GFRA1: variants seen among roughly 807,000 people sequenced by gnomAD.
The protein encoded by GFRA1 is GDNF family receptor alpha 1.
GFRA1 carries 16 observed loss-of-function variants against 51.6 expected under a neutral mutation model. That is an observed-to-expected ratio of 0.31 (90% confidence interval 0.21 to 0.47). GFRA1 has a LOEUF of 0.47. GFRA1 is among the 20% of genes least tolerant of loss of function. GFRA1 has a pLI of 1.00. For missense variants in GFRA1, 530 were observed against 594.3 expected, an observed-to-expected ratio of 0.89 and a Z score of 1.13; for synonymous variants, 270 against 241.3, an observed-to-expected ratio of 1.12 and a Z score of -1.10.
chr10:116,136,459 G>A (rs1407195490), intron 5 of GFRA1, among the ~76,000 whole-genome samples: 6 of 152,168 alleles, frequency 3.9e-5, no homozygotes, highest in African/African-American at 7.2e-5. Flanking sequence ...TGAGCCAGCC[G>A]AGTAACAAAG....
intron 9 of GFRA1, among the ~76,000 whole-genome samples, chr10:116,080,956 C>T (rs548559690): frequency 3.3e-5 from 5 of 152,246 alleles, no homozygotes; most frequent in African/African-American, 9.6e-5. Flanking sequence ...AGCAAGGGGG[C>T]GACATGCCCT....
intron 9 of GFRA1, among the ~76,000 whole-genome samples, chr10:116,079,104 T>A (rs1955740289): frequency 6.6e-6 from 1 of 151,754 alleles, no homozygotes; most frequent in South Asian, 2.1e-4. Flanking sequence ...CACCAGAAGG[T>A]GATGGTGTGA....
intron 4 of GFRA1, among the ~76,000 whole-genome samples, chr10:116,259,820 T>A (rs562482672): frequency 1.3e-4 from 20 of 152,194 alleles, no homozygotes; most frequent in Non-Finnish European, 2.5e-4. Context: ...TTAAGAAAGT[T>A]ACTCAACCTC....
chr10:116,065,751 T>C (rs1955076243), intron 9 of GFRA1, 125 bp from the exon 10 acceptor site: 9 of 714,854 alleles, frequency 1.3e-5, no homozygotes, highest in Admixed American at 2.1e-5. Context: ...GTGAGCTCCA[T>C]ATATAATTGA....
intron 9 of GFRA1, among the ~76,000 whole-genome samples, chr10:116,067,760 G>A (rs1049208238): frequency 2.0e-5 from 3 of 152,126 alleles, no homozygotes; most frequent in Admixed American, 6.5e-5. Flanking sequence ...CATTAGTCAC[G>A]GAGGGTTTCA....
chr10:116,165,293 T>A (rs1960262211), intron 5 of GFRA1, among the ~76,000 whole-genome samples: 1 of 152,090 alleles, frequency 6.6e-6, no homozygotes, highest in African/African-American at 2.4e-5. Context: ...TCAACTATCC[T>A]CCCCCTATTG....
intron 5 of GFRA1, among the ~76,000 whole-genome samples, chr10:116,150,347 T>A (rs569257978): frequency 6.6e-6 from 1 of 152,292 alleles, no homozygotes; most frequent in Non-Finnish European, 1.5e-5. Flanking sequence ...CTGGCCCTAC[T>A]TCATTTCCAT....
chr10:116,180,932 T>C (rs1277301287), intron 5 of GFRA1, among the ~76,000 whole-genome samples: 1 of 152,208 alleles, frequency 6.6e-6, no homozygotes, highest in Non-Finnish European at 1.5e-5. Context: ...TATGGATCCA[T>C]AATTTTAGCA....
At chr10:116,234,468 C>T (rs77714200) in intron 4 of GFRA1, among the ~76,000 whole-genome samples, 272 of 152,278 alleles carry the variant, frequency 1.8e-3, no homozygotes, top group African/African-American at 6.2e-3. Context: ...GCAAAAGAGA[C>T]CTCACTCAAA....
chr10:116,092,395 A>T (rs548378552), intron 8 of GFRA1, among the ~76,000 whole-genome samples: 2 of 152,192 alleles, frequency 1.3e-5, no homozygotes, highest in East Asian at 3.9e-4. Flanking sequence ...AACACACAAA[A>T]GCTTTTGTGT....
chr10:116,238,459 T>C (rs1405259687), intron 4 of GFRA1, among the ~76,000 whole-genome samples: 2 of 152,216 alleles, frequency 1.3e-5, no homozygotes, highest in South Asian at 4.1e-4. Flanking sequence ...GTCACATATA[T>C]TTACACATGC....
rs73363870 is a variant in GFRA1, at chr10:116,068,204, C to T, written c.1198-2578G>A. On this transcript the variant is annotated intron_variant, in intron 9 of 10. Coordinates refer to ENST00000355422, the MANE Select transcript of GFRA1 (RefSeq NM_005264.8). ...GGCACTCAGCACTCCAGAGGCTTAG[C>T]AGTCCACACACAGGACTCTAAAGAC... 3.0e-3 allele frequency among the ~76,000 whole-genome samples: 453 copies of T among 152,328 alleles called. 3 individuals carry two copies. Among genetic ancestry groups the T allele is most frequent in the African/African-American group, 0.01 (433 of 41,572 alleles).
intron 6 of GFRA1, among the ~76,000 whole-genome samples, chr10:116,100,331 T>C (rs1956768811): frequency 6.6e-6 from 1 of 152,188 alleles, no homozygotes. Flanking sequence ...ATTTTACAGA[T>C]GAGGAAACCG....
In GFRA1 at chr10:116,057,286, C is replaced by T. The variant is rs1333061308; in HGVS notation, c.*7112G>A. 1 of 152,178 alleles carries T rather than the reference C, an allele frequency of 6.6e-6. No individual in the cohort carries two copies. Among genetic ancestry groups the T allele is most frequent in the African/African-American group, 2.4e-5 (1 of 41,430 alleles). The allele number at this position is 152,178 out of a possible 1,614,324, so 9.4% of individuals were successfully genotyped here. A position where few individuals can be genotyped will look rare whatever the true frequency, so the allele number is the denominator to read the frequency against. ...TATAACATGGAGACCCGCCCGAAGC[C>T]TAACTGGAGGCTTCTCAACAAAGCT... On this transcript the variant is annotated 3_prime_UTR_variant, in exon 11 of 11. Transcript: ENST00000355422.
intron 9 of GFRA1, among the ~76,000 whole-genome samples, chr10:116,076,070 G>A (rs1033526096): frequency 1.3e-5 from 2 of 151,948 alleles, no homozygotes; most frequent in Middle Eastern, 6.8e-3. Flanking sequence ...AGTGAGTGTC[G>A]GACTGGAGCA....
intron 4 of GFRA1, among the ~76,000 whole-genome samples, chr10:116,212,951 C>T: frequency 6.6e-6 from 1 of 152,172 alleles, no homozygotes; most frequent in Admixed American, 6.5e-5. Context: ...CCCACTCACT[C>T]CAAAAGTACG....
intron 5 of GFRA1, among the ~76,000 whole-genome samples, chr10:116,149,904 C>T (rs149193335): frequency 1.2e-3 from 183 of 152,264 alleles, no homozygotes; most frequent in African/African-American, 4.2e-3. Flanking sequence ...TGCAGAAACG[C>T]TCCTTCTTAG....
At chr10:116,175,039 A>C (rs1276422120) in intron 5 of GFRA1, among the ~76,000 whole-genome samples, 1 of 152,168 alleles carries the variant, frequency 6.6e-6, no homozygotes, top group Admixed American at 6.5e-5. Flanking sequence ...CGTAGGACTC[A>C]AAATGAAATC....
chr10:116,160,840 G>A (rs1959692413), intron 5 of GFRA1, among the ~76,000 whole-genome samples: 2 of 152,200 alleles, frequency 1.3e-5, no homozygotes, highest in African/African-American at 2.4e-5. Flanking sequence ...GCAAGCCAGT[G>A]TGGGTTCCTC....
Sources: allele counts gnomAD v4.1 joint callset (sites outside exome capture counted in the v4.1 genomes callset), GRCh38; gene constraint gnomAD v4.1.1; transcripts MANE v1.5; gene names NCBI Gene and HGNC (gene_info 2026-07-23, HGNC 2026-07-21).